The following MCF2L2 variants were observed in gnomAD, a reference collection of about 807,000 sequenced individuals.
MCF2L2 encodes the protein MCF.2 cell line derived transforming sequence-like 2.
Under a neutral mutation model 150.2 loss-of-function variants are expected in MCF2L2, and 102 were observed. That is an observed-to-expected ratio of 0.68 (90% CI 0.58 to 0.80). MCF2L2 has a LOEUF of 0.80. Ranked by LOEUF, MCF2L2 falls within the 30% of genes least tolerant of loss-of-function variation. MCF2L2 has a pLI of 0.00. For synonymous variants in MCF2L2, 465 were observed against 491.3 expected (o/e 0.95, Z 0.71); for missense variants, 1,256 against 1,372.8 (o/e 0.91, Z 1.34).
rs1022961818 is a variant in MCF2L2 at position 183,249,702 on chromosome 3, G to T, written c.1863-18685C>A. Among the ~76,000 whole-genome samples the T allele has an allele frequency of 4.6e-5, 7 of 152,354 alleles. No individual in the cohort carries two copies. The South Asian group carries it at 1.4e-3, about 32-fold the overall frequency. ...AGGGTGCCAGGCCATAGAAGCAGTA[G>T]CAGGAGCTGCAGCAAAGAGCTAGTG... On this transcript the variant is annotated intron_variant, in intron 15 of 29. Coordinates refer to ENST00000328913, the MANE Select transcript of MCF2L2 (RefSeq NM_015078.4).
intron 14 of MCF2L2, among the ~76,000 whole-genome samples, chr3:183,278,244 A>G (rs1727276911): frequency 6.7e-6 from 1 of 150,300 alleles, no homozygotes; most frequent in Admixed American, 6.6e-5. Context: ...ACAAATAAAA[A>G]TAAAAGATAT....
At chr3:183,311,054 A>G in intron 8 of MCF2L2, 25 bp from the exon 9 acceptor site, 4 of 1,450,384 alleles carry the variant, frequency 2.8e-6, no homozygotes, top group Non-Finnish European at 3.9e-6. Flanking sequence ...TGAGAAAGTG[A>G]TGTTAGGTTA....
chr3:183,299,824 T>C (rs1033615946), intron 11 of MCF2L2, 181 bp downstream of exon 11: 1 of 608,310 alleles, frequency 1.6e-6, no homozygotes, highest in Admixed American at 3.6e-5. Context: ...ACTTTTTACC[T>C]TCGTGCCAGG....
chr3:183,300,487 A>G (rs1240483864), intron 10 of MCF2L2, among the ~76,000 whole-genome samples: 1 of 152,238 alleles, frequency 6.6e-6, no homozygotes, highest in Non-Finnish European at 1.5e-5. Context: ...AGATTAATGG[A>G]GAATTCAGAT....
At chr3:183,365,409 A>T (rs189282303) in intron 3 of MCF2L2, among the ~76,000 whole-genome samples, 14 of 152,348 alleles carry the variant, frequency 9.2e-5, no homozygotes, top group African/African-American at 2.9e-4. Flanking sequence ...GGATGGGGAG[A>T]AGTGATTAAT....
At chr3:183,308,060 T>G (rs1729185866) in intron 10 of MCF2L2, among the ~76,000 whole-genome samples, 1 of 152,238 alleles carries the variant, frequency 6.6e-6, no homozygotes, top group African/African-American at 2.4e-5. Flanking sequence ...TCACTTTCTA[T>G]TATATCTTGT....
At chr3:183,410,156 T>C (rs944542944) in intron 1 of MCF2L2, among the ~76,000 whole-genome samples, 1 of 152,108 alleles carries the variant, frequency 6.6e-6, no homozygotes, top group African/African-American at 2.4e-5. Flanking sequence ...AGCTTTCCCC[T>C]CTCCATCTAT....
At chr3:183,325,979 A>C (rs977107821) in intron 5 of MCF2L2, among the ~76,000 whole-genome samples, 1 of 152,236 alleles carries the variant, frequency 6.6e-6, no homozygotes, top group African/African-American at 2.4e-5. Flanking sequence ...TCTAAAATTC[A>C]TATAGAAATG....
chr3:183,413,536 T>C (rs1715429762), intron 1 of MCF2L2, among the ~76,000 whole-genome samples: 1 of 152,184 alleles, frequency 6.6e-6, no homozygotes, highest in Non-Finnish European at 1.5e-5. Context: ...TCCAGGCAGT[T>C]ACACGATGCA....
chr3:183,326,492 C>CAAAAAAAAAAAAAAAA (rs890481068), intron 5 of MCF2L2, among the ~76,000 whole-genome samples: 2 of 39,424 alleles, frequency 5.1e-5, no homozygotes, highest in Non-Finnish European at 9.3e-5. Context: ...AACTCCGTCT[C>CAAAAAAAAAAAAAAAA]AAAAAAAAAA....
intron 18 of MCF2L2, 75 bp downstream of exon 18, chr3:183,228,222 A>T: frequency 9.1e-7 from 1 of 1,104,302 alleles, no homozygotes; most frequent in Non-Finnish European, 1.4e-6. Flanking sequence ...TGATGTTTCC[A>T]TTTGTCCTTG....
chr3:183,295,041 GC>G (rs1728415497), intron 13 of MCF2L2, among the ~76,000 whole-genome samples: 1 of 152,190 alleles, frequency 6.6e-6, no homozygotes, highest in Non-Finnish European at 1.5e-5. Context: ...GGGATTACAG[GC>G]GTGAGCTACC....
rs528097104 is a variant in MCF2L2, at chr3:183,347,283, T to C, written c.276-5653A>G. On this transcript the variant is annotated intron_variant, in intron 3 of 29. Coordinates refer to ENST00000328913, the MANE Select transcript of MCF2L2 (RefSeq NM_015078.4). Reference sequence around the variant, plus strand: ...ACAACCATCTGATCTTTGATGAACCTGACAAAAACAAAGCAATGGGGAAAG... The same window carrying C: ...ACAACCATCTGATCTTTGATGAACCCGACAAAAACAAAGCAATGGGGAAAG... Among the ~76,000 whole-genome samples, 64 of 152,216 alleles carry C rather than the reference T, an allele frequency of 4.2e-4. 2 individuals are homozygous for C. The South Asian group carries it at 0.013, about 30-fold the overall frequency.
At chr3:183,324,592 G>C (rs1319231537) in intron 5 of MCF2L2, among the ~76,000 whole-genome samples, 1 of 152,106 alleles carries the variant, frequency 6.6e-6, no homozygotes, top group South Asian at 2.1e-4. Flanking sequence ...GACCAGCCAG[G>C]TACGGTGGTT....
intron 5 of MCF2L2, among the ~76,000 whole-genome samples, chr3:183,333,948 A>T (rs1730366069): frequency 7.1e-6 from 1 of 140,932 alleles, no homozygotes; most frequent in Admixed American, 6.9e-5. Flanking sequence ...TAGGCCAGAA[A>T]GTAAGGAAGT....
intron 21 of MCF2L2, among the ~76,000 whole-genome samples, chr3:183,217,294 CAAAAAAAAAAA>C (rs35973262): frequency 6.6e-4 from 10 of 15,182 alleles, no homozygotes; most frequent in Non-Finnish European, 8.2e-4. Context: ...AACCCCGTCT[CAAAAAAAAAAA>C]AAAAAAAAAA....
At chr3:183,314,658 A>G (rs1236698730) in intron 7 of MCF2L2, among the ~76,000 whole-genome samples, 1 of 151,960 alleles carries the variant, frequency 6.6e-6, no homozygotes, top group Non-Finnish European at 1.5e-5. Context: ...GCTGGGAGAA[A>G]ATGGTATATC....
At chr3:183,296,816 G>T in intron 12 of MCF2L2, 160 bp downstream of exon 12, 1 of 655,574 alleles carries the variant, frequency 1.5e-6, no homozygotes, top group Non-Finnish European at 2.6e-6. Flanking sequence ...GGACGTTCAG[G>T]CCGAGAGTCT....
chr3:183,403,882 T>C (rs751978925), intron 1 of MCF2L2, among the ~76,000 whole-genome samples: 4 of 152,116 alleles, frequency 2.6e-5, no homozygotes, highest in Non-Finnish European at 2.9e-5. Context: ...ATACATGCAG[T>C]TTGTGTCAAA....
Sources: allele counts gnomAD v4.1 joint callset (sites outside exome capture counted in the v4.1 genomes callset), GRCh38; gene constraint gnomAD v4.1.1; transcripts MANE v1.5; gene names NCBI Gene and HGNC (gene_info 2026-07-23, HGNC 2026-07-21).